PPM1A: variants seen among roughly 807,000 people sequenced by gnomAD.
The protein encoded by PPM1A is protein phosphatase, Mg2+/Mn2+ dependent 1A.
Under a neutral mutation model 35.0 loss-of-function variants are expected in PPM1A, and 7 were observed. The ratio of observed to expected loss-of-function variants is 0.20; its 90% CI spans 0.11 to 0.38. The LOEUF is 0.38. PPM1A is among the 10% of genes least tolerant of loss of function. PPM1A has a pLI of 1.00. For missense variants in PPM1A, 239 were observed against 467.8 expected, an observed-to-expected ratio of 0.51 and a Z score of 4.51; for synonymous variants, 153 against 167.3, an observed-to-expected ratio of 0.91 and a Z score of 0.66.
chr14:60,262,166 T>C (rs565169125), intron 1 of PPM1A, among the ~76,000 whole-genome samples: 171 of 152,354 alleles, frequency 1.1e-3, no homozygotes, highest in Non-Finnish European at 1.9e-3. Context: ...AAAATGTCTA[T>C]ATATAATTTG....
At chr14:60,247,063 CT>C (rs2139285045), upstream of PPM1A, among the ~76,000 whole-genome samples, 1 of 152,232 alleles carries the variant, frequency 6.6e-6, no homozygotes, top group East Asian at 1.9e-4. Context: ...GAAAATTTGT[CT>C]TTTAAGAGCA....
At chr14:60,250,483 TA>T in intron 1 of PPM1A, 1 of 952,168 alleles carries the variant, frequency 1.1e-6, no homozygotes, top group African/African-American at 1.8e-5. Flanking sequence ...TCACCTGAGG[TA>T]TTTTTCTTCT....
At chr14:60,288,476 AGATTTCCAGCATTAGAACCAT>A in intron 3 of PPM1A, 1 of 984,060 alleles carries the variant, frequency 1.0e-6, no homozygotes. Context: ...TTTGTACAGC[AGATTTCCAGCATTAGAACCAT>A]GTAGAACAAA....
chr14:60,262,051 C>T (rs1883803691), intron 1 of PPM1A, among the ~76,000 whole-genome samples: 1 of 152,034 alleles, frequency 6.6e-6, no homozygotes, highest in African/African-American at 2.4e-5. Flanking sequence ...TTTTAAGGAA[C>T]AGGTGATAAA....
intron 5 of PPM1A, 62 bp downstream of exon 5, chr14:60,291,516 C>T: frequency 7.3e-7 from 1 of 1,366,442 alleles, no homozygotes; most frequent in South Asian, 1.4e-5. Flanking sequence ...CATATCCTTC[C>T]TACCTGTTTT....
rs150023404 is a variant in PPM1A at position 60,289,867 on chromosome 14, G to A, written c.1014G>A (p.Ala338=). 4.1e-5 allele frequency: 66 copies of A among 1,594,434 alleles called. No homozygotes were observed. The highest frequency in any genetic ancestry group is 5.5e-5 in the Admixed American group (3 of 54,096). Residue 338 remains alanine, a synonymous_variant, in exon 4 of 6, where the codon GCG becomes GCA. Coordinates refer to ENST00000395076, the MANE Select transcript of PPM1A (RefSeq NM_021003.5). This position sits in a 1 kb window ranked among gnomAD's most constrained non-coding sequence, Gnocchi z 4.1. ...TAGTCCATGTGATGCGCACATTAGC[G>A]AGTGAGAACATCCCCAGCCTCCCAC... ...PDLVHVMRTL[A]SENIPSLPPG...
intron 1 of PPM1A, chr14:60,256,829 A>G (rs1432896891): frequency 6.6e-6 from 1 of 152,206 alleles, no homozygotes; most frequent in Non-Finnish European, 1.5e-5. Context: ...TGCAGAAATA[A>G]TTTGTTGATC....
chr14:60,281,353 T>C (rs1055346798), intron 1 of PPM1A, among the ~76,000 whole-genome samples: 2 of 152,360 alleles, frequency 1.3e-5, no homozygotes, highest in Non-Finnish European at 2.9e-5. Context: ...CTTTTCTGCC[T>C]ATGTATCAGT....
At chr14:60,275,276 A>C (rs1885619941) in intron 1 of PPM1A, among the ~76,000 whole-genome samples, 1 of 151,796 alleles carries the variant, frequency 6.6e-6, no homozygotes, top group African/African-American at 2.4e-5. Context: ...AGGATAGCAC[A>C]TGTAGGAGAA....
rs909462082 is a variant in PPM1A at position 60,297,324 on chromosome 14, C to T, written c.*4842C>T. 1 of 151,654 alleles carries T rather than the reference C, an allele frequency of 6.6e-6. No homozygotes were observed. Among genetic ancestry groups the T allele is most frequent in the Non-Finnish European group, 1.5e-5 (1 of 67,664 alleles). The allele number at this position is 151,654 out of a possible 1,614,324, so 9.4% of individuals were successfully genotyped here. On this transcript the variant is annotated 3_prime_UTR_variant, in exon 6 of 6. Coordinates refer to ENST00000395076, the MANE Select transcript of PPM1A (RefSeq NM_021003.5). ...GTTTTAAAAGCCATAGGAAAGTCTT[C>T]CTTGTACGTGGCTGTAAATTTATAA...
intron 1 of PPM1A, among the ~76,000 whole-genome samples, chr14:60,261,580 A>G (rs752958971): frequency 6.6e-6 from 1 of 152,138 alleles, no homozygotes; most frequent in East Asian, 1.9e-4. Context: ...TAGGAAACCC[A>G]TATCACCTTG....
intron 1 of PPM1A, among the ~76,000 whole-genome samples, chr14:60,255,354 G>C (rs1393733413): frequency 1.3e-5 from 2 of 150,944 alleles, no homozygotes; most frequent in Admixed American, 1.3e-4. Context: ...TGTATTTTTA[G>C]TAGAGACGGG....
intron 1 of PPM1A, among the ~76,000 whole-genome samples, chr14:60,275,668 T>A (rs1269752992): frequency 6.6e-6 from 1 of 151,810 alleles, no homozygotes; most frequent in Admixed American, 6.6e-5. Context: ...TTTTACAGAG[T>A]CACGCTATTT....
chr14:60,288,645 A>G (rs1233352456), intron 3 of PPM1A: 1 of 686,778 alleles, frequency 1.5e-6, no homozygotes, highest in Non-Finnish European at 1.8e-6. Context: ...CCTTTATTCT[A>G]AAAGGACAGT....
intron 1 of PPM1A, among the ~76,000 whole-genome samples, chr14:60,277,695 C>T (rs1031553786): frequency 1.3e-5 from 2 of 152,136 alleles, no homozygotes; most frequent in African/African-American, 4.8e-5. Context: ...GGAATCTAGA[C>T]GTGGCTGTTT....
At chr14:60,286,425 AG>A in intron 3 of PPM1A, 1 of 985,338 alleles carries the variant, frequency 1.0e-6, no homozygotes, top group Non-Finnish European at 1.2e-6. Flanking sequence ...GCATATATGC[AG>A]TAAAGTGTAT....
intron 5 of PPM1A, among the ~76,000 whole-genome samples, chr14:60,291,712 C>T (rs1369059897): frequency 2.0e-5 from 3 of 149,568 alleles, no homozygotes; most frequent in Non-Finnish European, 3.0e-5. Flanking sequence ...TAAGTCTTTA[C>T]AAACAATCAA....
intron 1 of PPM1A, among the ~76,000 whole-genome samples, chr14:60,263,748 G>A (rs1041314096): frequency 2.2e-4 from 33 of 151,768 alleles, no homozygotes; most frequent in African/African-American, 7.5e-4. Flanking sequence ...CTTATTTTTC[G>A]TTAGTTTTCA....
At chr14:60,245,864 G>A (rs1206686022), upstream of PPM1A, 1 of 1,592,446 alleles carries the variant, frequency 6.3e-7, no homozygotes, top group Non-Finnish European at 8.5e-7. This position sits in a 1 kb window ranked among gnomAD's most constrained non-coding sequence, Gnocchi z 4.2. Context: ...TGTTCTGGGA[G>A]AAAATGGGTA....
Sources: gnomAD v4.1 joint callset for allele counts (sites outside exome capture counted in the v4.1 genomes callset) on GRCh38, gnomAD v4.1.1 for gene constraint, Gnocchi (gnomAD v3.1) non-coding constraint, MANE v1.5 for transcripts, NCBI Gene and HGNC (gene_info 2026-07-23, HGNC 2026-07-21) for gene names.